CAP2: variants seen among roughly 807,000 people sequenced by gnomAD.
CAP2 encodes cyclase associated actin cytoskeleton regulatory protein 2, also known as adenylyl cyclase-associated protein 2.
Under a neutral mutation model 57.7 loss-of-function variants are expected in CAP2, and 24 were observed. The observed-to-expected ratio is 0.42, with a 90% CI of 0.30 to 0.58. The LOEUF is 0.58. Ranked by LOEUF, CAP2 falls within the 20% of genes least tolerant of loss-of-function variation. The pLI, the probability that CAP2 is intolerant of heterozygous loss-of-function variation, is 0.22. For missense variants in CAP2, 501 were observed against 590.3 expected (o/e 0.85, Z 1.57); for synonymous variants, 194 against 207.2 (o/e 0.94, Z 0.55).
intron 5 of CAP2, 127 bp downstream of exon 5, chr6:17,507,439 A>G (rs2273011): frequency 0.71 from 696,206 of 977,820 alleles, 248,643 homozygotes; most frequent in East Asian, 0.75. Context: ...GAATGCATCC[A>G]CTTTCTCCTA....
intron 9 of CAP2, among the ~76,000 whole-genome samples, chr6:17,541,498 T>C (rs963569348): frequency 2.0e-5 from 3 of 151,964 alleles, no homozygotes; most frequent in Non-Finnish European, 2.9e-5. Context: ...GAGAATCACT[T>C]GAACCCGAGA....
intron 11 of CAP2, among the ~76,000 whole-genome samples, chr6:17,544,354 G>A (rs1482453395): frequency 6.6e-6 from 1 of 152,026 alleles, no homozygotes; most frequent in African/African-American, 2.4e-5. Flanking sequence ...TCATGAAGAG[G>A]AAAAGTTTTT....
chr6:17,416,421 T>A (rs1018273527), intron 1 of CAP2, among the ~76,000 whole-genome samples: 12 of 152,180 alleles, frequency 7.9e-5, no homozygotes, highest in Admixed American at 6.6e-5. Flanking sequence ...CAACCCTGTG[T>A]ATAGTATACC....
intron 4 of CAP2, among the ~76,000 whole-genome samples, chr6:17,497,100 T>TC (rs1761687945): frequency 6.6e-6 from 1 of 152,226 alleles, no homozygotes; most frequent in South Asian, 2.1e-4. Flanking sequence ...GAATTGCAGT[T>TC]CAGAAGAATT....
chr6:17,546,784 C>G (rs1561824382), intron 11 of CAP2, among the ~76,000 whole-genome samples: 1 of 152,078 alleles, frequency 6.6e-6, no homozygotes, highest in Non-Finnish European at 1.5e-5. Flanking sequence ...ACAGGGATGC[C>G]CTTTCTCACT....
At chr6:17,539,065 T>C (rs1237425483) in intron 7 of CAP2, among the ~76,000 whole-genome samples, 1 of 152,130 alleles carries the variant, frequency 6.6e-6, no homozygotes, top group Non-Finnish European at 1.5e-5. Context: ...CACAGCTAAG[T>C]CATGTTCCAC....
chr6:17,449,165 A>G (rs1760340219), intron 3 of CAP2, among the ~76,000 whole-genome samples: 1 of 152,180 alleles, frequency 6.6e-6, no homozygotes, highest in Admixed American at 6.5e-5. Flanking sequence ...TATGTATGAG[A>G]ATTTAGGGCT....
intron 4 of CAP2, among the ~76,000 whole-genome samples, chr6:17,482,293 G>A (rs942070158): frequency 2.0e-5 from 3 of 152,018 alleles, no homozygotes; most frequent in African/African-American, 7.2e-5. Flanking sequence ...TGATCTGGCC[G>A]AGGTGGGAGA....
intron 3 of CAP2, among the ~76,000 whole-genome samples, chr6:17,427,222 C>T (rs192355562): frequency 6.6e-6 from 1 of 151,978 alleles, no homozygotes; most frequent in Non-Finnish European, 1.5e-5. Context: ...GTGTTCCCAG[C>T]AGAACAGAAG....
At chr6:17,530,844 G>A in intron 7 of CAP2, 2 of 791,134 alleles carry the variant, frequency 2.5e-6, no homozygotes, top group South Asian at 1.7e-5. Flanking sequence ...TTTGAGAGCA[G>A]GTACTGTTTA....
At chr6:17,462,442 A>C (rs1211015762) in intron 3 of CAP2, among the ~76,000 whole-genome samples, 3 of 152,052 alleles carry the variant, frequency 2.0e-5, no homozygotes, top group Non-Finnish European at 4.4e-5. Flanking sequence ...CATCTTTTTG[A>C]AGTGTATGAT....
At chr6:17,478,251 C>T (rs995459314) in intron 4 of CAP2, among the ~76,000 whole-genome samples, 16 of 150,280 alleles carry the variant, frequency 1.1e-4, no homozygotes, top group Non-Finnish European at 8.9e-5. Flanking sequence ...CCTCCCGCCT[C>T]AGCCTCTCGA....
Position 17,547,915 on chromosome 6 carries a change from C to A in CAP2, c.1210-3549C>A, listed in dbSNP as rs370644954. The stretch of plus-strand genomic sequence containing the variant: ...GAGATAAAACTGGAAAAGGAAGAGA[C>A]AAAAATGCCCTTATTTCCCAACAAA... On this transcript the variant is annotated intron_variant, in intron 11 of 12. Transcript: ENST00000229922. Among the ~76,000 whole-genome samples the A allele has an allele frequency of 4.6e-5, 7 of 150,538 alleles. No individual in the cohort carries two copies. In the East Asian group the frequency reaches 7.7e-4, roughly 17 times the overall value.
intron 11 of CAP2, among the ~76,000 whole-genome samples, chr6:17,543,930 G>A (rs1307070092): frequency 1.3e-5 from 2 of 152,030 alleles, no homozygotes; most frequent in East Asian, 3.9e-4. Context: ...TTTGAGACCA[G>A]CCTAGCTAAC....
chr6:17,495,526 A>G (rs752628400), intron 4 of CAP2, among the ~76,000 whole-genome samples: 9 of 152,126 alleles, frequency 5.9e-5, no homozygotes, highest in Non-Finnish European at 1.2e-4. Context: ...ACCGTTAGCC[A>G]CACTTTCCCT....
chr6:17,422,298 A>G (rs1759470503), intron 2 of CAP2, among the ~76,000 whole-genome samples: 1 of 151,672 alleles, frequency 6.6e-6, no homozygotes, highest in African/African-American at 2.4e-5. Context: ...TTGATGTAAC[A>G]TAACTACGTC....
chr6:17,524,714 G>A (rs1247718441), intron 7 of CAP2, among the ~76,000 whole-genome samples: 3 of 152,096 alleles, frequency 2.0e-5, no homozygotes, highest in Non-Finnish European at 4.4e-5. Context: ...CATGGCAGTG[G>A]TCAACTGACA....
chr6:17,425,071 A>C (rs1351056987), intron 2 of CAP2, among the ~76,000 whole-genome samples: 1 of 152,336 alleles, frequency 6.6e-6, no homozygotes, highest in East Asian at 1.9e-4. Context: ...ACCTGCAGAG[A>C]GTGTAAATAA....
At chr6:17,539,653 A>T (rs1419445711) in intron 8 of CAP2, among the ~76,000 whole-genome samples, 195 bp downstream of exon 8, 1 of 152,208 alleles carries the variant, frequency 6.6e-6, no homozygotes, top group Non-Finnish European at 1.5e-5. Context: ...TCAGGGGGTC[A>T]CTGTGTAGAC....
Sources: allele counts gnomAD v4.1 joint callset (sites outside exome capture counted in the v4.1 genomes callset), GRCh38; gene constraint gnomAD v4.1.1; transcripts MANE v1.5; gene names NCBI Gene and HGNC (gene_info 2026-07-23, HGNC 2026-07-21).